Variants in C1orf94 observed in about 807,000 individuals in gnomAD.
C1orf94 encodes uncharacterized protein C1orf94.
A neutral mutation model predicts 53.6 loss-of-function variants in C1orf94; 45 were observed. The observed-to-expected ratio is 0.84, with a 90% CI of 0.66 to 1.08. The LOEUF is 1.08. Ranked by LOEUF, C1orf94 falls within the 50% of genes least tolerant of loss-of-function variation. The pLI, the probability that C1orf94 is intolerant of heterozygous loss-of-function variation, is 0.00. For synonymous variants in C1orf94, 304 were observed against 296.1 expected (o/e 1.03, Z -0.27); for missense variants, 762 against 738.9 (o/e 1.03, Z -0.36).
Position 34,197,192 on chromosome 1 carries a change from C to A in C1orf94, c.321-33C>A. 2 of 1,479,508 alleles carry A rather than the reference C, an allele frequency of 1.4e-6. No homozygotes were observed. Among genetic ancestry groups the A allele is most frequent in the Non-Finnish European group, 1.8e-6 (2 of 1,110,492 alleles). The allele number at this position is 1,479,508 out of a possible 1,614,324, so 91.6% of individuals were successfully genotyped here. A position where few individuals can be genotyped will look rare whatever the true frequency, so the allele number is the denominator to read the frequency against. On this transcript the variant is annotated intron_variant, in intron 1 of 6. Coordinates refer to ENST00000488417, the MANE Select transcript of C1orf94 (RefSeq NM_001134734.2). The surrounding 1 kb of genome is among the most constrained non-coding windows in gnomAD (Gnocchi z 4.1). The stretch of plus-strand genomic sequence containing the variant: ...AAAGCCACGCCTTGGTGAGCTGGCA[C>A]TAACACCGTCTGTCTCTCTGACCCA...
At chr1:34,212,544 T>G in intron 6 of C1orf94, 138 bp downstream of exon 6, 2 of 907,770 alleles carry the variant, frequency 2.2e-6, no homozygotes, top group Non-Finnish European at 3.2e-6. Context: ...TACCTGTGGC[T>G]GGTGGTTGTG....
At chr1:34,172,271 C>T (rs905629562), upstream of C1orf94, among the ~76,000 whole-genome samples, 2 of 152,212 alleles carry the variant, frequency 1.3e-5, no homozygotes, top group African/African-American at 4.8e-5. Context: ...TTTATTCTGT[C>T]ATCTAGGACC....
intron 4 of C1orf94, among the ~76,000 whole-genome samples, chr1:34,202,481 T>C (rs1016335512): frequency 4.6e-5 from 7 of 152,254 alleles, no homozygotes; most frequent in African/African-American, 1.7e-4. Context: ...CCTTGGTTCA[T>C]GTGCATGCGT....
chr1:34,187,223 T>C (rs1327326696), intron 1 of C1orf94, among the ~76,000 whole-genome samples: 1 of 152,164 alleles, frequency 6.6e-6, no homozygotes, highest in Non-Finnish European at 1.5e-5. Flanking sequence ...TCCCATTTTA[T>C]AGATGAGAAA....
intron 1 of C1orf94, among the ~76,000 whole-genome samples, chr1:34,169,695 G>A (rs1642114443): frequency 6.6e-6 from 1 of 151,548 alleles, no homozygotes; most frequent in Non-Finnish European, 1.5e-5. Context: ...GGGCAGGCAG[G>A]GCTGCAGAGA....
In C1orf94 at chr1:34,178,089, T is replaced by C. The variant is rs1642257663; in HGVS notation, c.300T>C (p.Asn100=). The part of the protein sequence containing the change: ...SVPVVGTLRG[N]ELSFQEEALE... The stretch of plus-strand genomic sequence containing the variant: ...CTGTGGTTGGAACTCTAAGAGGCAA[T>C]GAGCTCAGCTTTCAAGAAGAGTAAG... Residue 100 remains asparagine, a synonymous_variant, in exon 1 of 7, where the codon AAT becomes AAC. Transcript: ENST00000488417. The C allele has an allele frequency of 3.2e-6, 5 of 1,551,574 alleles. No homozygotes were observed. The highest frequency in any genetic ancestry group is 2.6e-6 in the Non-Finnish European group (3 of 1,146,908).
At chr1:34,206,267 G>A (rs1285494677) in intron 4 of C1orf94, among the ~76,000 whole-genome samples, 5 of 152,242 alleles carry the variant, frequency 3.3e-5, no homozygotes, top group Admixed American at 1.3e-4. Context: ...CTCCTGTGAG[G>A]GGTGGATGGC....
intron 1 of C1orf94, among the ~76,000 whole-genome samples, chr1:34,179,780 T>G (rs1011667656): frequency 6.6e-6 from 1 of 152,186 alleles, no homozygotes; most frequent in Non-Finnish European, 1.5e-5. Flanking sequence ...AATCTGGGGT[T>G]CACACTATGC....
At chr1:34,193,824 G>A (rs1284791889) in intron 1 of C1orf94, among the ~76,000 whole-genome samples, 1 of 152,216 alleles carries the variant, frequency 6.6e-6, no homozygotes, top group Non-Finnish European at 1.5e-5. Context: ...AGAGAAGAAT[G>A]GATATCCTGC....
At chr1:34,198,039 G>C (rs1329209609) in intron 2 of C1orf94, 126 bp downstream of exon 2, 1 of 1,057,338 alleles carries the variant, frequency 9.5e-7, no homozygotes, top group Non-Finnish European at 1.3e-6. Context: ...AGCCTCTCTG[G>C]TGGGCACAGC....
At chr1:34,209,634 T>C (rs568820628) in intron 5 of C1orf94, among the ~76,000 whole-genome samples, 1 of 152,178 alleles carries the variant, frequency 6.6e-6, no homozygotes, top group South Asian at 2.1e-4. Flanking sequence ...TGACCTGAAA[T>C]GTGTTAGAAT....
At position 34,177,920 on chromosome 1, in the gene C1orf94, T is replaced by C. The variant is rs781422404; in HGVS notation, c.131T>C (p.Leu44Pro). Residue 44 changes from leucine to proline, a missense_variant, in exon 1 of 7, where the codon CTG becomes CCG. Coordinates refer to ENST00000488417, the MANE Select transcript of C1orf94 (RefSeq NM_001134734.2). ...CTGGTGGCCAAGGGCCCCTGCGCCC[T>C]GGGCCCATTCCCCAGATACATCTGG... The part of the protein sequence containing the change: ...SALVAKGPCA[L>P]GPFPRYIWIH... 219 of 1,551,596 alleles carry C rather than the reference T, an allele frequency of 1.4e-4. No homozygotes were observed. Among genetic ancestry groups the C allele is most frequent in the Non-Finnish European group, 1.7e-4 (195 of 1,147,004 alleles).
At chr1:34,183,792 G>T (rs1429907305) in intron 1 of C1orf94, among the ~76,000 whole-genome samples, 1 of 151,566 alleles carries the variant, frequency 6.6e-6, no homozygotes, top group Non-Finnish European at 1.5e-5. Context: ...GGAGGCAGAG[G>T]TTGCAGTGAG....
At chr1:34,178,249 C>T (rs1642260440) in intron 1 of C1orf94, 140 bp downstream of exon 1, 2 of 938,830 alleles carry the variant, frequency 2.1e-6, no homozygotes, top group African/African-American at 1.7e-5. Flanking sequence ...GTCCTTTGTC[C>T]AAGCTTTATA....
chr1:34,183,597 A>G (rs1220375847), intron 1 of C1orf94, among the ~76,000 whole-genome samples: 3 of 152,154 alleles, frequency 2.0e-5, no homozygotes, highest in Admixed American at 1.3e-4. Context: ...GCTTATGCCT[A>G]TAATCCCAGC....
rs1168341444 is a variant in C1orf94, at chr1:34,197,923, G to T, written c.1009+10G>T. On this transcript the variant is annotated intron_variant, in intron 2 of 6. Transcript: ENST00000488417. This position sits in a 1 kb window ranked among gnomAD's most constrained non-coding sequence, Gnocchi z 4.1. ...AGGCACCACTTGATGGGTGAGTGGG[G>T]TTGGAACTGGGGTAGAGTGGGCCTG... is the stretch of plus-strand genomic sequence containing the variant. 5.6e-6 allele frequency: 9 copies of T among 1,607,384 alleles called. No individual in the cohort carries two copies. The highest frequency in any genetic ancestry group is 7.7e-6 in the Non-Finnish European group (9 of 1,176,362).
At position 34,178,024 on chromosome 1, in the gene C1orf94, G is replaced by T. The variant is rs1382181428; in HGVS notation, c.235G>T (p.Ala79Ser). ...GAAGAGAGTTCAAGGCCTGCCTGAG[G>T]CCTCACAGCCCTGGACCTCCATGGA... is the stretch of plus-strand genomic sequence containing the variant. ...IWKRVQGLPE[A>S]SQPWTSMEQL... Residue 79 changes from alanine to serine, a missense_variant, in exon 1 of 7, where the codon GCC becomes TCC. Physicochemically the swap from Ala to Ser is moderately conservative, Grantham distance 99 (BLOSUM62 1). Transcript: ENST00000488417. 4 of 1,551,728 alleles carry T rather than the reference G, an allele frequency of 2.6e-6. No homozygotes were observed. The highest frequency in any genetic ancestry group is 3.5e-6 in the Non-Finnish European group (4 of 1,146,998).
chr1:34,167,386 T>TTC (rs1162387913), intron 1 of C1orf94, among the ~76,000 whole-genome samples: 1 of 152,186 alleles, frequency 6.6e-6, no homozygotes, highest in Non-Finnish European at 1.5e-5. Context: ...CCAATGGGCT[T>TTC]TCTCTTACCC....
At chr1:34,208,091 G>GAGTAGC in intron 4 of C1orf94, 66 bp from the exon 5 acceptor site, 1 of 1,507,322 alleles carries the variant, frequency 6.6e-7, no homozygotes, top group Admixed American at 1.7e-5. Context: ...GAACTGAGCT[G>GAGTAGC]AGTAGCTGAT....
Sources: gnomAD v4.1 joint callset for allele counts (sites outside exome capture counted in the v4.1 genomes callset) on GRCh38, gnomAD v4.1.1 for gene constraint, Gnocchi (gnomAD v3.1) non-coding constraint, MANE v1.5 for transcripts, NCBI Gene and HGNC (gene_info 2026-07-23, HGNC 2026-07-21) for gene names.